Variants in EEPD1 observed in about 807,000 individuals in gnomAD.
EEPD1 encodes endonuclease/exonuclease/phosphatase family domain containing 1, also known as endonuclease/exonuclease/phosphatase family domain-containing protein 1.
Under a neutral mutation model 46.3 loss-of-function variants are expected in EEPD1, and 17 were observed. The ratio of observed to expected loss-of-function variants is 0.37; its 90% CI spans 0.25 to 0.55. The LOEUF (loss-of-function observed/expected upper bound fraction) is 0.55. Ranked by LOEUF, EEPD1 falls within the 20% of genes least tolerant of loss-of-function variation. EEPD1 has a pLI of 0.83. For missense variants in EEPD1, 673 were observed against 745.6 expected, an observed-to-expected ratio of 0.90 and a Z score of 1.13; for synonymous variants, 313 against 315.6, an observed-to-expected ratio of 0.99 and a Z score of 0.09.
At chr7:36,288,860 G>C (rs1240637306) in intron 6 of EEPD1, among the ~76,000 whole-genome samples, 2 of 152,102 alleles carry the variant, frequency 1.3e-5, no homozygotes, top group Non-Finnish European at 2.9e-5. Flanking sequence ...CAAAAGAAAA[G>C]GTTGACAAGG....
intron 3 of EEPD1, among the ~76,000 whole-genome samples, chr7:36,275,508 G>A (rs185077439): frequency 5.3e-5 from 8 of 152,126 alleles, no homozygotes; most frequent in Admixed American, 2.6e-4. Context: ...GTGTAGTGGC[G>A]CGATCTCGGC....
At chr7:36,239,799 C>T (rs952247918) in intron 3 of EEPD1, among the ~76,000 whole-genome samples, 3 of 152,136 alleles carry the variant, frequency 2.0e-5, no homozygotes, top group African/African-American at 7.2e-5. Context: ...CCATCAGGGG[C>T]CTCCCAGCTG....
chr7:36,236,911 C>T (rs941526323), intron 2 of EEPD1, among the ~76,000 whole-genome samples: 1 of 152,198 alleles, frequency 6.6e-6, no homozygotes, highest in African/African-American at 2.4e-5. Flanking sequence ...AGCAGGCCCC[C>T]TAGCCAGCAG....
rs200791900 is a variant in EEPD1, at chr7:36,284,744, C to T, written c.1100C>T (p.Ala367Val). The part of the protein sequence containing the change: ...DAAAGMELRD[A>V]GSQESSPSNG... ...GCTGCCGGCATGGAGCTGAGAGACG[C>T]GGGTTCACAGGAGAGCTCGCCAAGC... is the stretch of plus-strand genomic sequence containing the variant. Residue 367 changes from alanine (A) to valine (V), a missense_variant, in exon 5 of 8, where the codon GCG (alanine) becomes GTG (valine). Physicochemically the swap from Ala to Val is moderately conservative, Grantham distance 64. Transcript: ENST00000242108. 8.5e-5 allele frequency: 136 copies of T among 1,608,556 alleles called. 1 individual carries two copies. In the East Asian group the frequency reaches 2.9e-3, roughly 34 times the overall value.
chr7:36,275,404 C>A (rs1352588744), intron 3 of EEPD1, among the ~76,000 whole-genome samples: 2 of 152,128 alleles, frequency 1.3e-5, no homozygotes, highest in Non-Finnish European at 2.9e-5. Context: ...GCTGGACAGA[C>A]CACTGAGTGG....
intron 2 of EEPD1, among the ~76,000 whole-genome samples, chr7:36,169,803 G>A (rs1465059284): frequency 4.6e-5 from 7 of 152,218 alleles, no homozygotes; most frequent in African/African-American, 4.8e-5. Flanking sequence ...TGGCTGGAAT[G>A]TTCTGTCTGA....
chr7:36,155,367 CCTT>C (rs1270905055), intron 2 of EEPD1, among the ~76,000 whole-genome samples, 165 bp downstream of exon 2: 1 of 152,178 alleles, frequency 6.6e-6, no homozygotes, highest in Non-Finnish European at 1.5e-5. Context: ...AATGGGCTGT[CCTT>C]CTGCTCCAGA....
intron 2 of EEPD1, among the ~76,000 whole-genome samples, chr7:36,208,163 T>G (rs959957449): frequency 2.0e-5 from 3 of 152,146 alleles, no homozygotes; most frequent in Admixed American, 2.0e-4. Flanking sequence ...GTGGAGACCC[T>G]GGGCTGCGGT....
chr7:36,272,479 G>T (rs1787123548), intron 3 of EEPD1, among the ~76,000 whole-genome samples: 1 of 148,276 alleles, frequency 6.7e-6, no homozygotes. Flanking sequence ...AATAGCCCTT[G>T]CAAGGTTTTT....
intron 2 of EEPD1, among the ~76,000 whole-genome samples, chr7:36,161,402 T>C (rs1366908804): frequency 6.6e-6 from 1 of 152,022 alleles, no homozygotes; most frequent in Non-Finnish European, 1.5e-5. Context: ...TCTGCAGGTA[T>C]GTGAGACCTC....
At position 36,154,268 on chromosome 7, in the gene EEPD1, G is replaced by A; in HGVS notation, c.-57G>A. 6.5e-7 allele frequency: 1 copy of A among 1,541,620 alleles called. No homozygotes were observed. Among genetic ancestry groups the A allele is most frequent in the Non-Finnish European group, 8.7e-7 (1 of 1,150,158 alleles). On this transcript the variant is annotated 5_prime_UTR_variant, in exon 2 of 8. Transcript: ENST00000242108. This position sits in a 1 kb window ranked among gnomAD's most constrained non-coding sequence, Gnocchi z 4.2. ...TACGGCCTACTGGGCTTCCTCCCTA[G>A]CCAGAGAGCTCTTCTGCAGTGGTGC...
chr7:36,283,298 G>A (rs139657163), intron 4 of EEPD1, among the ~76,000 whole-genome samples: 2,280 of 152,286 alleles, frequency 0.015, 26 homozygotes, highest in Non-Finnish European at 0.023. Context: ...GGAGCAGCAC[G>A]CAGGGAAGTG....
chr7:36,275,381 G>T (rs1450303200), intron 3 of EEPD1, among the ~76,000 whole-genome samples: 1 of 152,170 alleles, frequency 6.6e-6, no homozygotes, highest in Non-Finnish European at 1.5e-5. Flanking sequence ...AAGGATCTCT[G>T]AACTTAGTGG....
intron 2 of EEPD1, among the ~76,000 whole-genome samples, chr7:36,168,879 G>A (rs1785034186): frequency 6.6e-6 from 1 of 152,118 alleles, no homozygotes; most frequent in African/African-American, 2.4e-5. Context: ...GTACTGCCCT[G>A]CAAGCGCTTT....
intron 3 of EEPD1, among the ~76,000 whole-genome samples, chr7:36,260,223 G>A (rs1010928991): frequency 6.6e-5 from 10 of 152,130 alleles, no homozygotes; most frequent in African/African-American, 2.4e-4. Context: ...TCTGTCTTTT[G>A]GGTTTCTTAT....
rs1200487227 is a variant in EEPD1, at chr7:36,154,529, G to A, written c.205G>A (p.Glu69Lys). 1.2e-6 allele frequency: 2 copies of A among 1,614,176 alleles called. No individual in the cohort carries two copies. The highest frequency in any genetic ancestry group is 1.7e-5 in the Admixed American group (1 of 60,030). The change falls in exon 2 of 8, where the codon GAG becomes AAG. Residue 69 changes from glutamate to lysine, a missense_variant. Physicochemically the swap from Glu to Lys is moderately conservative, Grantham distance 56. Transcript: ENST00000242108. The surrounding 1 kb of genome is among the most constrained non-coding windows in gnomAD (Gnocchi z 4.2). ...AVARSIVEYR[E>K]YIGGFKKVED... ...GGCACGCAGCATCGTGGAGTACCGA[G>A]AGTATATCGGTGGCTTCAAGAAGGT...
intron 3 of EEPD1, among the ~76,000 whole-genome samples, chr7:36,277,304 G>T (rs1156702469): frequency 1.3e-5 from 2 of 152,234 alleles, no homozygotes; most frequent in Non-Finnish European, 2.9e-5. Context: ...TAACCTTTCT[G>T]TGCAGCACTG....
chr7:36,173,593 G>A (rs1045810092), intron 2 of EEPD1, among the ~76,000 whole-genome samples: 1 of 151,942 alleles, frequency 6.6e-6, no homozygotes, highest in African/African-American at 2.4e-5. Context: ...ATGATTGTAA[G>A]TTTCCTGAGG....
chr7:36,230,259 A>G (rs1237812689), intron 2 of EEPD1, among the ~76,000 whole-genome samples: 2 of 138,062 alleles, frequency 1.4e-5, no homozygotes, highest in Non-Finnish European at 3.1e-5. Context: ...CAGCATTGCC[A>G]CCCCCACCCC....
Sources: allele counts gnomAD v4.1 joint callset (sites outside exome capture counted in the v4.1 genomes callset), GRCh38; gene constraint gnomAD v4.1.1; non-coding constraint Gnocchi (gnomAD v3.1); transcripts MANE v1.5; gene names NCBI Gene and HGNC (gene_info 2026-07-23, HGNC 2026-07-21).